The following ANO3 variants were observed in gnomAD, a reference collection of about 807,000 sequenced individuals.
The protein encoded by ANO3 is anoctamin-3.
Under a neutral mutation model 144.8 loss-of-function variants are expected in ANO3, and 99 were observed. The observed-to-expected ratio is 0.68, with a 90% confidence interval of 0.58 to 0.81. The LOEUF is 0.81. Ranked by LOEUF, ANO3 falls within the 30% of genes least tolerant of loss-of-function variation. The pLI is 0.00. For synonymous variants in ANO3, 414 were observed against 392.6 expected, an observed-to-expected ratio of 1.05 and a Z score of -0.64; for missense variants, 905 against 1,202.2, an observed-to-expected ratio of 0.75 and a Z score of 3.66.
chr11:26,283,900 G>C (rs1158012620), intron 1 of ANO3, among the ~76,000 whole-genome samples: 1 of 152,172 alleles, frequency 6.6e-6, no homozygotes, highest in Non-Finnish European at 1.5e-5. Context: ...AGAGAAAACT[G>C]TAAAGGTTAT....
At chr11:26,230,797 C>CAAAAAAAAAA (rs1168180646) in intron 1 of ANO3, among the ~76,000 whole-genome samples, 1 of 11,338 alleles carries the variant, frequency 8.8e-5, no homozygotes, top group African/African-American at 1.8e-4. Context: ...ACTCCATCTC[C>CAAAAAAAAAA]AAAAAAAAAA....
At chr11:26,632,518 G>GA (rs200381493) in intron 18 of ANO3, among the ~76,000 whole-genome samples, 53 of 132,326 alleles carry the variant, frequency 4.0e-4, no homozygotes, top group Middle Eastern at 4.0e-3. Flanking sequence ...TCCATCTCAA[G>GA]AAAAAAAAAA....
chr11:26,302,726 A>C (rs1482754007), intron 1 of ANO3, among the ~76,000 whole-genome samples: 6 of 152,228 alleles, frequency 3.9e-5, no homozygotes, highest in Non-Finnish European at 8.8e-5. Flanking sequence ...GAAAATCAGC[A>C]CTTTTAATAT....
chr11:26,285,097 A>ATTTTT (rs60725629), intron 1 of ANO3, among the ~76,000 whole-genome samples: 41 of 149,436 alleles, frequency 2.7e-4, no homozygotes, highest in African/African-American at 9.0e-4. Flanking sequence ...ACTGTGTACA[A>ATTTTT]TTTTTTTTTT....
intron 24 of ANO3, 133 bp downstream of exon 24, chr11:26,647,989 G>C (rs1853403581): frequency 6.3e-6 from 5 of 796,634 alleles, no homozygotes; most frequent in Middle Eastern, 3.9e-4. Context: ...GTGTTTATTA[G>C]GTGAAATCAA....
chr11:26,522,189 A>T (rs1471602785), intron 6 of ANO3, among the ~76,000 whole-genome samples: 4 of 151,210 alleles, frequency 2.6e-5, no homozygotes, highest in African/African-American at 9.8e-5. Context: ...ATCTCAAAAC[A>T]AACAAACAGC....
chr11:26,598,765 T>C, intron 15 of ANO3, 93 bp from the exon 16 acceptor site: 5 of 1,316,546 alleles, frequency 3.8e-6, no homozygotes, highest in Non-Finnish European at 5.2e-6. Context: ...AATACAAAAG[T>C]AGGCCAAATT....
At chr11:26,319,103 C>G (rs564126146) in intron 1 of ANO3, among the ~76,000 whole-genome samples, 1 of 151,776 alleles carries the variant, frequency 6.6e-6, no homozygotes, top group Non-Finnish European at 1.5e-5. Context: ...CAGCCTCCAA[C>G]GTAGCTGGAA....
At chr11:26,420,818 C>G (rs1444867419) in intron 1 of ANO3, among the ~76,000 whole-genome samples, 1 of 152,006 alleles carries the variant, frequency 6.6e-6, no homozygotes, top group African/African-American at 2.4e-5. Flanking sequence ...TTCAGATGCT[C>G]TGAATTAACC....
chr11:26,448,094 G>A (rs1326412361), intron 3 of ANO3, among the ~76,000 whole-genome samples: 1 of 152,134 alleles, frequency 6.6e-6, no homozygotes, highest in Non-Finnish European at 1.5e-5. Flanking sequence ...GAGGTCGGGA[G>A]TTCGAGACCA....
At chr11:26,574,187 G>A (rs1007351758) in intron 14 of ANO3, among the ~76,000 whole-genome samples, 31 of 152,130 alleles carry the variant, frequency 2.0e-4, no homozygotes, top group African/African-American at 7.2e-4. Flanking sequence ...CATTAATTAC[G>A]TTTCACAATA....
At chr11:26,586,386 C>T (rs1268053236) in intron 14 of ANO3, among the ~76,000 whole-genome samples, 3 of 141,170 alleles carry the variant, frequency 2.1e-5, no homozygotes, top group African/African-American at 8.0e-5. Flanking sequence ...GAGACGGAGT[C>T]TCACTTTGTC....
chr11:26,320,770 T>C (rs1462374858), intron 1 of ANO3, among the ~76,000 whole-genome samples: 2 of 152,156 alleles, frequency 1.3e-5, no homozygotes, highest in African/African-American at 2.4e-5. Flanking sequence ...ATATTACCAT[T>C]TCTGATTACT....
intron 2 of ANO3, 51 bp from the exon 3 acceptor site, chr11:26,443,714 G>A (rs1402757052): frequency 1.0e-6 from 1 of 970,062 alleles, no homozygotes; most frequent in African/African-American, 1.7e-5. Context: ...TTATTTTTCT[G>A]TTGTTATGCT....
intron 4 of ANO3, among the ~76,000 whole-genome samples, chr11:26,476,288 G>T (rs1213745438): frequency 6.6e-6 from 1 of 152,042 alleles, no homozygotes; most frequent in Admixed American, 6.6e-5. Context: ...TGGGTGCAGG[G>T]TAGAAGGGGA....
chr11:26,557,941 A>G (rs960520985), intron 13 of ANO3, among the ~76,000 whole-genome samples: 4 of 152,148 alleles, frequency 2.6e-5, no homozygotes, highest in African/African-American at 4.8e-5. Context: ...ATGATTAAAC[A>G]CTGTCGTACT....
intron 1 of ANO3, among the ~76,000 whole-genome samples, chr11:26,289,245 T>C (rs768605161): frequency 2.8e-4 from 43 of 152,044 alleles, no homozygotes; most frequent in Non-Finnish European, 5.1e-4. Context: ...CTTGGATTTA[T>C]GTCCTGGGAA....
chr11:26,615,414 A>ATATATATATATAT (rs1352935016), intron 17 of ANO3, among the ~76,000 whole-genome samples: 5 of 130,700 alleles, frequency 3.8e-5, no homozygotes, highest in African/African-American at 1.2e-4. Flanking sequence ...ATATATATAT[A>ATATATATATATAT]TTTTTTTTTT....
intron 4 of ANO3, among the ~76,000 whole-genome samples, chr11:26,464,813 A>ACAC (rs1859538564): frequency 6.6e-6 from 1 of 151,818 alleles, no homozygotes; most frequent in Non-Finnish European, 1.5e-5. Flanking sequence ...ACATCATGAC[A>ACAC]CACCGGAGTG....
Sources: gnomAD v4.1 joint callset for allele counts (sites outside exome capture counted in the v4.1 genomes callset) on GRCh38, gnomAD v4.1.1 for gene constraint, MANE v1.5 for transcripts, NCBI Gene and HGNC (gene_info 2026-07-23, HGNC 2026-07-21) for gene names.